FBF1: variants seen among roughly 807,000 people sequenced by gnomAD.
The protein encoded by FBF1 is fas-binding factor 1.
In FBF1, 119 loss-of-function variants were observed where a neutral mutation model predicts 147.2. The ratio of observed to expected loss-of-function variants is 0.81; its 90% CI spans 0.70 to 0.94. The LOEUF (loss-of-function observed/expected upper bound fraction) is 0.94, where lower values mean the gene tolerates loss of function less well. FBF1 is among the 40% of genes least tolerant of loss of function. The pLI is 0.00. For synonymous variants in FBF1, 601 were observed against 609.0 expected (o/e 0.99, Z 0.19); for missense variants, 1,449 against 1,500.8 (o/e 0.97, Z 0.57).
intron 18 of FBF1, 50 bp downstream of exon 18, chr17:75,920,224 C>T (rs1175358902): frequency 1.3e-6 from 2 of 1,595,684 alleles, no homozygotes; most frequent in Admixed American, 1.7e-5. Context: ...CTCAGTGTCC[C>T]CTCCTGTCGC....
At chr17:75,938,097 G>A (rs1238794573) in intron 2 of FBF1, 50 bp downstream of exon 2, 3 of 1,609,914 alleles carry the variant, frequency 1.9e-6, no homozygotes, top group Non-Finnish European at 2.5e-6. Context: ...GGGGATGCAG[G>A]ATGGGAGGCA....
Position 75,920,830 on chromosome 17 carries a change from TGGGG to T in FBF1, c.1675-405_1675-402del, listed in dbSNP as rs34022293. ...CCACCATCTCCCAGGGACACACTCCTGGGGGGGGGGGGGGCACACCTCCCAGGCC... is the reference window on the plus strand; with the variant it reads ...CCACCATCTCCCAGGGACACACTCCTGGGGGGGGGGCACACCTCCCAGGCC... On this transcript the variant is annotated intron_variant, in intron 17 of 29. Transcript: ENST00000636174. Among the ~76,000 whole-genome samples, 114 of 120,498 alleles carry T rather than the reference TGGGG, an allele frequency of 9.5e-4. 1 individual carries two copies. The highest frequency in any genetic ancestry group is 4.1e-3 in the Middle Eastern group (1 of 246). The allele number at this position is 120,498 out of a possible 152,430, so 79.1% of individuals were successfully genotyped here.
In FBF1 at chr17:75,919,314, G is replaced by A. The variant is rs1042860466; in HGVS notation, c.2138+354C>T. On this transcript the variant is annotated intron_variant, in intron 20 of 29. Transcript: ENST00000636174. This position sits in a 1 kb window ranked among gnomAD's most constrained non-coding sequence, Gnocchi z 5.0. Reference sequence around the variant, plus strand: ...GAAAGGCAACCCTATAAACATGGCAGGCACAACAGCGCAAGCCTTTCCCAG... The same window carrying A: ...GAAAGGCAACCCTATAAACATGGCAAGCACAACAGCGCAAGCCTTTCCCAG... Among the ~76,000 whole-genome samples, 2 of 152,186 alleles carry A rather than the reference G, an allele frequency of 1.3e-5. No individual in the cohort carries two copies. Among genetic ancestry groups the A allele is most frequent in the African/African-American group, 4.8e-5 (2 of 41,440 alleles).
chr17:75,909,783 T>C lies in FBF1; in HGVS notation c.*940A>G. On this transcript the variant is annotated 3_prime_UTR_variant, in exon 30 of 30. Transcript: ENST00000636174. ...TTTAATAAGAACATCTGCCTGTTCT[T>C]TGGGACTTGTCCAGCAAATAACAGG... 1.6e-6 allele frequency: 1 copy of C among 636,132 alleles called. No individual in the cohort carries two copies. Among genetic ancestry groups the C allele is most frequent in the Non-Finnish European group, 2.9e-6 (1 of 349,192 alleles). 39.4% of individuals were successfully genotyped at this position (636,132 alleles called of 1,614,324 possible).
At chr17:75,931,840 G>A (rs1343845263) in intron 5 of FBF1, among the ~76,000 whole-genome samples, 1 of 151,970 alleles carries the variant, frequency 6.6e-6, no homozygotes, top group Non-Finnish European at 1.5e-5. Flanking sequence ...TCACAAGAGG[G>A]AGGAGGGCTC....
Position 75,918,280 on chromosome 17 carries a change from G to A in FBF1, c.2139-11C>T. 1 of 1,609,576 alleles carries A rather than the reference G, an allele frequency of 6.2e-7. No individual in the cohort carries two copies. Among genetic ancestry groups the A allele is most frequent in the East Asian group, 2.2e-5 (1 of 44,772 alleles). Reference sequence around the variant, plus strand: ...TCTAGGATGGACGCCCTGAGGGGAGGCGGGAGGGGAAGGCGGTCACTCTGA... The same window carrying A: ...TCTAGGATGGACGCCCTGAGGGGAGACGGGAGGGGAAGGCGGTCACTCTGA... On this transcript the variant is annotated splice_polypyrimidine_tract_variant and intron_variant, in intron 20 of 29. Coordinates refer to ENST00000636174, the MANE Select transcript of FBF1 (RefSeq NM_001319193.2). This position sits in a 1 kb window ranked among gnomAD's most constrained non-coding sequence, Gnocchi z 5.8.
intron 15 of FBF1, 131 bp from the exon 16 acceptor site, chr17:75,921,691 G>A: frequency 1.5e-6 from 1 of 667,010 alleles, no homozygotes; most frequent in East Asian, 2.7e-5. Flanking sequence ...ACACGGGGAT[G>A]GGGCAGGGTG....
chr17:75,936,814 G>A (rs889505554), intron 3 of FBF1, among the ~76,000 whole-genome samples: 1 of 152,134 alleles, frequency 6.6e-6, no homozygotes. Context: ...AGTGCAGCTC[G>A]CTGGGAAGAG....
chr17:75,926,164 C>T lies in FBF1; in HGVS notation c.735-1G>A. 6.2e-7 allele frequency: 1 copy of T among 1,608,070 alleles called. No homozygotes were observed. The highest frequency in any genetic ancestry group is 8.5e-7 in the Non-Finnish European group (1 of 1,177,886). On this transcript the variant is annotated splice_acceptor_variant, in intron 11 of 29. Transcript: ENST00000636174. LOFTEE classifies it high-confidence loss of function. ...GGAGCGAGCAGGGCGAGGCCCTTCCCTGCAGGACGGGACACACGGCAGGAA... is the reference window on the plus strand; with the variant it reads ...GGAGCGAGCAGGGCGAGGCCCTTCCTTGCAGGACGGGACACACGGCAGGAA...
rs532756346 is a variant in FBF1 at position 75,911,633 on chromosome 17, C to G, written c.3363+559G>C. On this transcript the variant is annotated intron_variant, in intron 29 of 29. Coordinates refer to ENST00000636174, the MANE Select transcript of FBF1 (RefSeq NM_001319193.2). ...TCCCGGGCTTAAGTGATCCTCTTAC[C>G]TCAGCCTCCGGAGTAGCTGGGAGTA... 1.1e-3 allele frequency among the ~76,000 whole-genome samples: 160 copies of G among 152,322 alleles called. No individual in the cohort carries two copies. The Middle Eastern group carries it at 0.034, about 32-fold the overall frequency.
chr17:75,912,382 G>C, intron 28 of FBF1, 75 bp from the exon 29 acceptor site: 3 of 1,151,132 alleles, frequency 2.6e-6, no homozygotes, highest in Non-Finnish European at 3.6e-6. Flanking sequence ...TGTTCCTGCA[G>C]AGCTGCTCCC....
intron 3 of FBF1, among the ~76,000 whole-genome samples, chr17:75,936,337 C>G (rs752628644): frequency 1.3e-5 from 2 of 151,592 alleles, no homozygotes; most frequent in South Asian, 2.1e-4. Flanking sequence ...AAGACCCCCC[C>G]CAAAATTAGC....
chr17:75,919,559 A>G lies in FBF1; in HGVS notation c.2138+109T>C. ...TCACTGGACTGGGAGGGAAGGACCC[A>G]ACCCCTGTCCAAAGGCTGCTGAGCC... On this transcript the variant is annotated intron_variant, in intron 20 of 29. Coordinates refer to ENST00000636174, the MANE Select transcript of FBF1 (RefSeq NM_001319193.2). The surrounding 1 kb of genome is among the most constrained non-coding windows in gnomAD (Gnocchi z 5.0). 7.9e-7 allele frequency: 1 copy of G among 1,272,380 alleles called. No individual in the cohort carries two copies. The highest frequency in any genetic ancestry group is 2.1e-5 in the Admixed American group (1 of 47,692). 78.8% of individuals were successfully genotyped at this position (1,272,380 alleles called of 1,614,324 possible). A position where few individuals can be genotyped will look rare whatever the true frequency, so the allele number is the denominator to read the frequency against.
intron 25 of FBF1, 174 bp downstream of exon 25, chr17:75,914,573 C>T: frequency 1.2e-6 from 1 of 825,222 alleles, no homozygotes; most frequent in Non-Finnish European, 1.8e-6. Context: ...GTATAATGCA[C>T]CTGGGACAAT....
intron 23 of FBF1, among the ~76,000 whole-genome samples, chr17:75,915,558 CA>C (rs1259887713): frequency 1.3e-5 from 2 of 152,224 alleles, no homozygotes; most frequent in African/African-American, 4.8e-5. Context: ...TGCCTGACCC[CA>C]GGCAGATGCT....
chr17:75,921,828 TG>T, intron 15 of FBF1, 116 bp downstream of exon 15: 1 of 908,476 alleles, frequency 1.1e-6, no homozygotes, highest in Non-Finnish European at 1.7e-6. Flanking sequence ...AGCCTCTGTG[TG>T]GGACACGGGG....
chr17:75,923,608 C>G lies in FBF1; in HGVS notation c.1002G>C (p.Lys334Asn), dbSNP rs1306991479. ...GGCTCTGTTTGGAGCCTGGTTCTCC[C>G]TTGGGGTCTGCGCCACTGTCTGCGA... ...RFFADSGADP[K>N]GEPGSKQSPP... Residue 334 changes from lysine to asparagine, a missense_variant, in exon 14 of 30, where the codon AAG becomes AAC. By Grantham distance (94) the Lys-to-Asn change is moderately conservative. Coordinates refer to ENST00000636174, the MANE Select transcript of FBF1 (RefSeq NM_001319193.2). The surrounding 1 kb of genome is among the most constrained non-coding windows in gnomAD (Gnocchi z 4.1). 1 of 1,609,928 alleles carries G rather than the reference C, an allele frequency of 6.2e-7. No individual in the cohort carries two copies. Among genetic ancestry groups the G allele is most frequent in the Non-Finnish European group, 8.5e-7 (1 of 1,178,532 alleles).
Position 75,914,864 on chromosome 17 carries a change from G to A in FBF1, c.2697C>T (p.Ala899=). ...KCGEERRRLA[A]EWAEFSAQQK... ...GCTGCGCGGAGAACTCCGCCCACTC[G>A]GCAGCCAGGCGCCGCCGCTCCTCCC... The change falls in exon 25 of 30, where the codon GCC becomes GCT. Residue 899 remains alanine (A), a synonymous_variant. Coordinates refer to ENST00000636174, the MANE Select transcript of FBF1 (RefSeq NM_001319193.2). The A allele has an allele frequency of 1.9e-6, 3 of 1,593,524 alleles. No homozygotes were observed. The highest frequency in any genetic ancestry group is 1.7e-6 in the Non-Finnish European group (2 of 1,168,894).
chr17:75,938,699 A>C (rs948206369), intron 1 of FBF1, among the ~76,000 whole-genome samples: 2 of 151,804 alleles, frequency 1.3e-5, no homozygotes, highest in African/African-American at 2.4e-5. Context: ...CCCCACCTCT[A>C]CTAAAAAATA....
Sources: gnomAD v4.1 joint callset for allele counts (sites outside exome capture counted in the v4.1 genomes callset) on GRCh38, gnomAD v4.1.1 for gene constraint, Gnocchi (gnomAD v3.1) non-coding constraint, MANE v1.5 for transcripts, NCBI Gene and HGNC (gene_info 2026-07-23, HGNC 2026-07-21) for gene names.